Variants in EPHX1 observed in about 807,000 individuals in gnomAD.
The protein encoded by EPHX1 is epoxide hydrolase 1, also known as epoxide hydratase.
In EPHX1, 40 loss-of-function variants were observed where a neutral mutation model predicts 43.2. The ratio of observed to expected loss-of-function variants is 0.93; its 90% confidence interval spans 0.72 to 1.21. EPHX1 has a LOEUF of 1.21. Among genes scored for constraint, EPHX1 ranks in the 50% most tolerant of loss-of-function variants. EPHX1 has a pLI of 0.00. For synonymous variants in EPHX1, 221 were observed against 226.7 expected, an observed-to-expected ratio of 0.98 and a Z score of 0.22; for missense variants, 550 against 570.4, an observed-to-expected ratio of 0.96 and a Z score of 0.36.
At chr1:225,823,840 G>C (rs578232621) in intron 1 of EPHX1, among the ~76,000 whole-genome samples, 11 of 152,318 alleles carry the variant, frequency 7.2e-5, no homozygotes, top group African/African-American at 2.4e-4. Flanking sequence ...GAGGACAGAG[G>C]GAGTCTCCAC....
In EPHX1 at chr1:225,831,811, C is replaced by T. The variant is rs757610140; in HGVS notation, c.216C>T (p.Phe72=). ...DLHQRIDKFR[F]TPPLEDSCFH... ...ACCAGAGGATCGATAAGTTCCGTTT[C>T]ACCCCACCTTTGGAGGACAGCTGCT... Residue 72 remains phenylalanine (F), a synonymous_variant, in exon 3 of 9, where the codon TTC becomes TTT. Transcript: ENST00000272167. 84 of 1,614,058 alleles carry T rather than the reference C, an allele frequency of 5.2e-5. No individual in the cohort carries two copies. Among genetic ancestry groups the T allele is most frequent in the Non-Finnish European group, 6.9e-5 (82 of 1,180,052 alleles).
At chr1:225,828,120 C>A (rs1331205306) in intron 1 of EPHX1, among the ~76,000 whole-genome samples, 1 of 152,068 alleles carries the variant, frequency 6.6e-6, no homozygotes, top group Non-Finnish European at 1.5e-5. Flanking sequence ...CCGAGGCGGG[C>A]GGATCACGAG....
intron 1 of EPHX1, among the ~76,000 whole-genome samples, chr1:225,811,670 C>T (rs1037087598): frequency 2.0e-5 from 3 of 152,220 alleles, no homozygotes; most frequent in Admixed American, 2.0e-4. Flanking sequence ...ACGGTTGCCT[C>T]CTTCAGGGAG....
rs1260151446 is a variant in EPHX1, at chr1:225,810,165, A to G, written c.-10A>G. ...TGCCGCCGCCGGAGCCTGCGAGCCG[A>G]GACCGTAAGCGCCCGGGGCCGGCCG... On this transcript the variant is annotated 5_prime_UTR_variant, in exon 1 of 9. Coordinates refer to ENST00000272167, the MANE Select transcript of EPHX1 (RefSeq NM_001136018.4). 1.3e-5 allele frequency: 2 copies of G among 151,732 alleles called. No homozygotes were observed. The highest frequency in any genetic ancestry group is 4.8e-5 in the African/African-American group (2 of 41,366). 9.4% of individuals were successfully genotyped at this position (151,732 alleles called of 1,614,324 possible).
chr1:225,841,541 C>T (rs1668413418), intron 6 of EPHX1, among the ~76,000 whole-genome samples: 1 of 151,670 alleles, frequency 6.6e-6, no homozygotes, highest in Non-Finnish European at 1.5e-5. Context: ...GCCTCGGCCT[C>T]CCAAAGTGCT....
chr1:225,833,645 A>G (rs1049306670), intron 3 of EPHX1, among the ~76,000 whole-genome samples: 2 of 148,508 alleles, frequency 1.3e-5, no homozygotes, highest in Admixed American at 6.7e-5. Context: ...AATACAAAAA[A>G]TTAGCCAGGT....
chr1:225,832,504 C>T (rs1667668977), intron 3 of EPHX1, among the ~76,000 whole-genome samples: 1 of 152,232 alleles, frequency 6.6e-6, no homozygotes, highest in African/African-American at 2.4e-5. Context: ...CACTGCACTC[C>T]AGCCTGGGCT....
At chr1:225,840,777 A>T (rs1032898634) in intron 6 of EPHX1, 1 of 153,316 alleles carries the variant, frequency 6.5e-6, no homozygotes, top group African/African-American at 2.4e-5. Flanking sequence ...TCTGCTAGGT[A>T]ACTCCCTAGA....
At chr1:225,836,332 G>A (rs1177100146) in intron 3 of EPHX1, among the ~76,000 whole-genome samples, 1 of 152,210 alleles carries the variant, frequency 6.6e-6, no homozygotes, top group East Asian at 1.9e-4. Flanking sequence ...GGTGGCTCAC[G>A]CCAGTAATCC....
At chr1:225,822,700 T>G (rs1667028030) in intron 1 of EPHX1, among the ~76,000 whole-genome samples, 1 of 152,208 alleles carries the variant, frequency 6.6e-6, no homozygotes, top group Non-Finnish European at 1.5e-5. Context: ...ATGCTGAGAA[T>G]GCACCTTCTC....
intron 3 of EPHX1, among the ~76,000 whole-genome samples, chr1:225,837,513 A>T (rs1318478217): frequency 6.6e-6 from 1 of 151,950 alleles, no homozygotes; most frequent in Non-Finnish European, 1.5e-5. Context: ...AAAATCTTCC[A>T]CTTTATTTTA....
rs139782678 is a variant in EPHX1, at chr1:225,836,879, G to A, written c.365-1775G>A. ...GAGATGGGCTGTACAGCAGAGCGCCGTCAGTGTTGGACACTTACAATCTGT... is the reference window on the plus strand; with the variant it reads ...GAGATGGGCTGTACAGCAGAGCGCCATCAGTGTTGGACACTTACAATCTGT... On this transcript the variant is annotated intron_variant, in intron 3 of 8. Coordinates refer to ENST00000272167, the MANE Select transcript of EPHX1 (RefSeq NM_001136018.4). 2.9e-4 allele frequency among the ~76,000 whole-genome samples: 44 copies of A among 152,320 alleles called. No homozygotes were observed. In the East Asian group the frequency reaches 7.5e-3, roughly 26 times the overall value.
At chr1:225,840,393 G>A (rs1266102242) in intron 6 of EPHX1, among the ~76,000 whole-genome samples, 2 of 152,188 alleles carry the variant, frequency 1.3e-5, no homozygotes, top group Admixed American at 1.3e-4. Flanking sequence ...GGGGAGAGGG[G>A]AGAGGGTGCC....
At position 225,838,688 on chromosome 1, in the gene EPHX1, C is replaced by G. The variant is rs773821078; in HGVS notation, c.399C>G (p.Pro133=). Residue 133 remains proline (P), a synonymous_variant, in exon 4 of 9, where the codon CCC becomes CCG. Transcript: ENST00000272167. ...TCCACTTCATCCACGTGAAGCCCCC[C>G]CAGCTGCCCGCAGGCCATACCCCGA... The part of the protein sequence containing the change: ...LDIHFIHVKP[P]QLPAGHTPKP... The G allele has an allele frequency of 3.1e-6, 5 of 1,614,058 alleles. No individual in the cohort carries two copies. The highest frequency in any genetic ancestry group is 3.4e-6 in the Non-Finnish European group (4 of 1,180,034).
At chr1:225,819,359 G>T (rs1666880270) in intron 1 of EPHX1, among the ~76,000 whole-genome samples, 1 of 151,950 alleles carries the variant, frequency 6.6e-6, no homozygotes, top group South Asian at 2.1e-4. Flanking sequence ...CCGAGATCGT[G>T]CCACTGCACT....
At chr1:225,814,913 C>T (rs1666648277) in intron 1 of EPHX1, among the ~76,000 whole-genome samples, 1 of 152,236 alleles carries the variant, frequency 6.6e-6, no homozygotes, top group African/African-American at 2.4e-5. Context: ...GTCCCAGTGC[C>T]AAGCCCCAAG....
intron 4 of EPHX1, 86 bp downstream of exon 4, chr1:225,838,967 G>T (rs567034169): frequency 3.3e-6 from 5 of 1,509,460 alleles, no homozygotes; most frequent in Admixed American, 3.4e-5. Flanking sequence ...TTCCGGCGGG[G>T]TGAGCAGGGA....
At chr1:225,834,094 T>C (rs1667808935) in intron 3 of EPHX1, among the ~76,000 whole-genome samples, 2 of 63,116 alleles carry the variant, frequency 3.2e-5, no homozygotes, top group Admixed American at 2.2e-4. Flanking sequence ...CAAGACTCTG[T>C]CTCAAAAAAA....
chr1:225,840,333 G>A (rs1325184043), intron 6 of EPHX1, among the ~76,000 whole-genome samples: 1 of 152,204 alleles, frequency 6.6e-6, no homozygotes, highest in East Asian at 1.9e-4. Context: ...CAGAGGGATG[G>A]AGGGGGTGAG....
Sources: allele counts gnomAD v4.1 joint callset (sites outside exome capture counted in the v4.1 genomes callset), GRCh38; gene constraint gnomAD v4.1.1; transcripts MANE v1.5; gene names NCBI Gene and HGNC (gene_info 2026-07-23, HGNC 2026-07-21).